The following GSDME variants were observed in gnomAD, a reference collection of about 807,000 sequenced individuals.
The protein encoded by GSDME is gasdermin E.
In GSDME, 44 loss-of-function variants were observed where a neutral mutation model predicts 47.5. The observed-to-expected ratio is 0.93, with a 90% CI of 0.73 to 1.19. GSDME has a LOEUF of 1.19. Among genes scored for constraint, GSDME ranks in the 50% most tolerant of loss-of-function variants. GSDME has a pLI of 0.00. For synonymous variants in GSDME, 258 were observed against 252.8 expected (o/e 1.02, Z -0.20); for missense variants, 663 against 604.2 (o/e 1.10, Z -1.02).
Position 24,757,106 on chromosome 7 carries a change from C to A in GSDME, c.-20+290G>T, listed in dbSNP as rs1791049414. On this transcript the variant is annotated intron_variant, in intron 1 of 9. Transcript: ENST00000645220. The surrounding 1 kb of genome is among the most constrained non-coding windows in gnomAD (Gnocchi z 5.9). ...CCAAGGAAGGAAGTGGCAGCGGGGA[C>A]GGGGAGAGGATGGGAAGGGGATGCT... 4.0e-5 allele frequency among the ~76,000 whole-genome samples: 6 copies of A among 151,414 alleles called. No individual in the cohort carries two copies. In the South Asian group the frequency reaches 1.3e-3, roughly 32 times the overall value.
chr7:24,747,412 G>A (rs188248403), intron 2 of GSDME, among the ~76,000 whole-genome samples: 6 of 152,272 alleles, frequency 3.9e-5, no homozygotes, highest in African/African-American at 1.4e-4. Context: ...CTTTAACAGA[G>A]ACGCAATCAC....
At chr7:24,707,612 T>G (rs990223020) in intron 7 of GSDME, 1 of 355,240 alleles carries the variant, frequency 2.8e-6, no homozygotes, top group African/African-American at 2.1e-5. Flanking sequence ...GAAATCAAAA[T>G]GAGATCATCC....
chr7:24,779,128 A>T, the GSDME span, among the ~76,000 whole-genome samples: 1 of 152,228 alleles, frequency 6.6e-6, no homozygotes, highest in African/African-American at 2.4e-5. This position sits in a 1 kb window ranked among gnomAD's most constrained non-coding sequence, Gnocchi z 6.0. Flanking sequence ...ATACGAGGCT[A>T]TGACTCTTTC....
rs1790584283 is a variant in GSDME, at chr7:24,744,504, G to A, written c.404+58C>T. The A allele has an allele frequency of 3.8e-6, 6 of 1,578,800 alleles. No homozygotes were observed. The highest frequency in any genetic ancestry group is 4.4e-6 in the Non-Finnish European group (5 of 1,149,226). On this transcript the variant is annotated intron_variant, in intron 3 of 9. Coordinates refer to ENST00000645220, the MANE Select transcript of GSDME (RefSeq NM_001127453.2). The surrounding 1 kb of genome is among the most constrained non-coding windows in gnomAD (Gnocchi z 4.5). Reference sequence around the variant, plus strand: ...TCGCCCTTTTAACAAAGGTCCAACTGAATGACCTTTAAATGTGAGATGTGT... The same window carrying A: ...TCGCCCTTTTAACAAAGGTCCAACTAAATGACCTTTAAATGTGAGATGTGT...
In GSDME at chr7:24,725,711, T is replaced by G. The variant is rs546002622; in HGVS notation, c.405-6493A>C. ...TTTTCTATACAGTGTCTGTAATGTA[T>G]AGATAACATAACTGATTAGGTCAGG... On this transcript the variant is annotated intron_variant, in intron 3 of 9. Transcript: ENST00000645220. This position sits in a 1 kb window ranked among gnomAD's most constrained non-coding sequence, Gnocchi z 5.1. Among the ~76,000 whole-genome samples the G allele has an allele frequency of 3.3e-5, 5 of 152,314 alleles. No homozygotes were observed. The South Asian group carries it at 1.0e-3, about 32-fold the overall frequency.
At chr7:24,717,842 G>A (rs1789627646) in intron 4 of GSDME, among the ~76,000 whole-genome samples, 1 of 152,204 alleles carries the variant, frequency 6.6e-6, no homozygotes, top group Non-Finnish European at 1.5e-5. Context: ...ACCAGGAACA[G>A]AGAGGGAAGT....
At chr7:24,777,939 A>T in the GSDME span, among the ~76,000 whole-genome samples, 1 of 152,114 alleles carries the variant, frequency 6.6e-6, no homozygotes, top group East Asian at 1.9e-4. Context: ...AACATGTATT[A>T]TGTGATTTAA....
At chr7:24,748,541 C>A (rs956351938) in intron 2 of GSDME, among the ~76,000 whole-genome samples, 3 of 152,202 alleles carry the variant, frequency 2.0e-5, no homozygotes, top group African/African-American at 7.2e-5. Context: ...GGAATTAACA[C>A]ATGATGGTAG....
intron 9 of GSDME, chr7:24,702,361 C>T (rs1447396955): frequency 2.9e-6 from 1 of 349,570 alleles, no homozygotes; most frequent in Non-Finnish European, 5.6e-6. Flanking sequence ...TGGATACCTC[C>T]CTGGCAAATC....
intron 9 of GSDME, among the ~76,000 whole-genome samples, chr7:24,700,313 T>G (rs1562682554): frequency 1.3e-5 from 2 of 152,158 alleles, no homozygotes; most frequent in African/African-American, 4.8e-5. Context: ...ATACTTGAAA[T>G]ATTTGATTTG....
At position 24,744,167 on chromosome 7, in the gene GSDME, G is replaced by A. The variant is rs1383680524; in HGVS notation, c.404+395C>T. 4.1e-5 allele frequency: 9 copies of A among 217,128 alleles called. 1 individual carries two copies. Among genetic ancestry groups the A allele is most frequent in the South Asian group, 1.5e-4 (2 of 13,100 alleles). 13.5% of individuals were successfully genotyped at this position (217,128 alleles called of 1,614,324 possible). On this transcript the variant is annotated intron_variant, in intron 3 of 9. Coordinates refer to ENST00000645220, the MANE Select transcript of GSDME (RefSeq NM_001127453.2). This position sits in a 1 kb window ranked among gnomAD's most constrained non-coding sequence, Gnocchi z 4.5. ...CTCTTATTTTTGAACTTTTTTACGC[G>A]CCTCTCACTTGCTTTCTTCTTTTTT... is the stretch of plus-strand genomic sequence containing the variant.
chr7:24,701,034 G>GTGTT (rs956011043), intron 9 of GSDME, among the ~76,000 whole-genome samples: 75 of 152,332 alleles, frequency 4.9e-4, no homozygotes, highest in African/African-American at 1.7e-3. Context: ...TCTTGGAAAT[G>GTGTT]TGTTAGTGTA....
At chr7:24,792,191 T>C in the GSDME span, among the ~76,000 whole-genome samples, 4 of 152,366 alleles carry the variant, frequency 2.6e-5, no homozygotes, top group Non-Finnish European at 5.9e-5. Flanking sequence ...CCTGTCTTAA[T>C]TGTCAAAGTT....
chr7:24,786,411 T>C, the GSDME span, among the ~76,000 whole-genome samples: 1 of 152,248 alleles, frequency 6.6e-6, no homozygotes, highest in Non-Finnish European at 1.5e-5. This position sits in a 1 kb window ranked among gnomAD's most constrained non-coding sequence, Gnocchi z 5.5. Flanking sequence ...GACACACTCG[T>C]AGCCCTCACC....
the GSDME span, among the ~76,000 whole-genome samples, chr7:24,762,988 G>A: frequency 0.076 from 11,549 of 152,184 alleles, 611 homozygotes; most frequent in Non-Finnish European, 0.12. Context: ...ACTCCCTCAT[G>A]GGAGATTTTT....
At chr7:24,749,038 A>T (rs1790769292) in intron 2 of GSDME, among the ~76,000 whole-genome samples, 4 of 152,202 alleles carry the variant, frequency 2.6e-5, no homozygotes, top group Non-Finnish European at 5.9e-5. Flanking sequence ...AGCATGTCTT[A>T]CTTTTATACT....
At chr7:24,790,325 A>G in the GSDME span, among the ~76,000 whole-genome samples, 1 of 152,234 alleles carries the variant, frequency 6.6e-6, no homozygotes, top group Non-Finnish European at 1.5e-5. The surrounding 1 kb of genome is among the most constrained non-coding windows in gnomAD (Gnocchi z 4.1). Context: ...CCCATGAGCC[A>G]TCTTGTGCCC....
chr7:24,716,551 C>T lies in GSDME; in HGVS notation c.697+703G>A, dbSNP rs1237358087. ...GAACACAACCTCTTCTCATTGGGAA[C>T]ATGAGGAGGGAAGGGGCTGTGAACA... On this transcript the variant is annotated intron_variant, in intron 5 of 9. Coordinates refer to ENST00000645220, the MANE Select transcript of GSDME (RefSeq NM_001127453.2). The surrounding 1 kb of genome is among the most constrained non-coding windows in gnomAD (Gnocchi z 4.5). 1 of 153,796 alleles carries T rather than the reference C, an allele frequency of 6.5e-6. No individual in the cohort carries two copies. Among genetic ancestry groups the T allele is most frequent in the African/African-American group, 2.4e-5 (1 of 41,432 alleles). 9.5% of individuals were successfully genotyped at this position (153,796 alleles called of 1,614,324 possible).
chr7:24,779,825 A>G, the GSDME span, among the ~76,000 whole-genome samples: 1 of 152,216 alleles, frequency 6.6e-6, no homozygotes, highest in Non-Finnish European at 1.5e-5. The surrounding 1 kb of genome is among the most constrained non-coding windows in gnomAD (Gnocchi z 6.0). Context: ...CAGCATCCCT[A>G]GGCTGGAAAG....
Sources: gnomAD v4.1 joint callset for allele counts (sites outside exome capture counted in the v4.1 genomes callset) on GRCh38, gnomAD v4.1.1 for gene constraint, Gnocchi (gnomAD v3.1) non-coding constraint, MANE v1.5 for transcripts, NCBI Gene and HGNC (gene_info 2026-07-23, HGNC 2026-07-21) for gene names.